KCNQ5: variants seen among roughly 807,000 people sequenced by gnomAD.
The protein encoded by KCNQ5 is potassium voltage-gated channel subfamily KQT member 5.
In KCNQ5, 30 loss-of-function variants were observed where a neutral mutation model predicts 98.2. The observed-to-expected ratio is 0.31, with a 90% confidence interval of 0.23 to 0.41. The LOEUF (loss-of-function observed/expected upper bound fraction) is 0.41, where lower values mean the gene tolerates loss of function less well. Among genes scored for constraint, KCNQ5 ranks in the 10% least tolerant of loss-of-function variants. KCNQ5 has a pLI of 1.00. For missense variants in KCNQ5, 835 were observed against 1,182.5 expected, an observed-to-expected ratio of 0.71 and a Z score of 4.31; for synonymous variants, 458 against 449.4, an observed-to-expected ratio of 1.02 and a Z score of -0.24.
chr6:73,004,115 T>C (rs1769716019), intron 2 of KCNQ5, 117 bp downstream of exon 2: 1 of 589,660 alleles, frequency 1.7e-6, no homozygotes, highest in Non-Finnish European at 3.0e-6. Flanking sequence ...TACTGAGAAA[T>C]ATAAAAATGT....
At chr6:73,000,484 A>G (rs1769511867) in intron 1 of KCNQ5, among the ~76,000 whole-genome samples, 1 of 152,160 alleles carries the variant, frequency 6.6e-6, no homozygotes, top group African/African-American at 2.4e-5. Flanking sequence ...AAATACTTCC[A>G]TATCTCCAGC....
At chr6:72,794,765 G>C (rs1248023981) in intron 1 of KCNQ5, among the ~76,000 whole-genome samples, 1 of 152,122 alleles carries the variant, frequency 6.6e-6, no homozygotes, top group African/African-American at 2.4e-5. Context: ...CAAAGCAAGA[G>C]ACCAAGTTCA....
chr6:72,809,373 C>G (rs1259623089), intron 1 of KCNQ5, among the ~76,000 whole-genome samples: 1 of 151,574 alleles, frequency 6.6e-6, no homozygotes, highest in Non-Finnish European at 1.5e-5. Context: ...GCACATGTAC[C>G]CTAAAACTTA....
At chr6:72,654,980 T>G (rs895336338) in intron 1 of KCNQ5, among the ~76,000 whole-genome samples, 6 of 152,190 alleles carry the variant, frequency 3.9e-5, no homozygotes, top group Non-Finnish European at 8.8e-5. Context: ...CAATAAACAC[T>G]GCTTACCTTC....
In KCNQ5 at chr6:73,088,783, G is replaced by T. The variant is rs1433797865; in HGVS notation, c.918+10896G>T. Among the ~76,000 whole-genome samples the T allele has an allele frequency of 7.2e-5, 11 of 151,940 alleles. 1 individual carries two copies. Among genetic ancestry groups the T allele is most frequent in the Admixed American group, 3.3e-4 (5 of 15,246 alleles). On this transcript the variant is annotated intron_variant, in intron 5 of 13. Transcript: ENST00000370398. The stretch of plus-strand genomic sequence containing the variant: ...TTTCATTATAATGCTTTTATTTATG[G>T]TGCAACCATCTTCCCACTTAAAATT...
At chr6:72,719,447 A>G (rs1332900784) in intron 1 of KCNQ5, among the ~76,000 whole-genome samples, 1 of 152,242 alleles carries the variant, frequency 6.6e-6, no homozygotes, top group Non-Finnish European at 1.5e-5. Flanking sequence ...ACCAAAGTTC[A>G]GCTATATACC....
Position 72,955,699 on chromosome 6 carries a change from T to C in KCNQ5, c.399-48209T>C, listed in dbSNP as rs147837410. ...TGAAACTGAATTATTTTGCATTTTG[T>C]ACTTTGAAAACATTGTGATGCACCA... On this transcript the variant is annotated intron_variant, in intron 1 of 13. Transcript: ENST00000370398. 1.7e-4 allele frequency among the ~76,000 whole-genome samples: 26 copies of C among 152,324 alleles called. No homozygotes were observed. In the East Asian group the frequency reaches 4.4e-3, roughly 26 times the overall value.
chr6:72,635,084 T>G (rs2098923276), intron 1 of KCNQ5, among the ~76,000 whole-genome samples: 1 of 151,530 alleles, frequency 6.6e-6, no homozygotes, highest in African/African-American at 2.4e-5. Context: ...TAGAGTGCAG[T>G]TGTACAATCA....
rs1197263592 is a variant in KCNQ5 at position 72,655,040 on chromosome 6, CTTT to C, written c.398+32454_398+32456del. On this transcript the variant is annotated intron_variant, in intron 1 of 13. Coordinates refer to ENST00000370398, the MANE Select transcript of KCNQ5 (RefSeq NM_019842.4). ...AAGGTCTGTCTGTCTTTCTTTCTTT[CTTT>C]CTTTCTTTCTTTCTTTCTTTCTTTC... Among the ~76,000 whole-genome samples the C allele has an allele frequency of 1.6e-3, 230 of 141,756 alleles. 1 individual carries two copies. The highest frequency in any genetic ancestry group is 0.011 in the South Asian group (51 of 4,458). The allele number at this position is 141,756 out of a possible 152,430, so 93.0% of individuals were successfully genotyped here.
At chr6:72,685,007 T>C (rs752660197) in intron 1 of KCNQ5, among the ~76,000 whole-genome samples, 2 of 152,172 alleles carry the variant, frequency 1.3e-5, no homozygotes, top group Non-Finnish European at 2.9e-5. Flanking sequence ...CTATATTGTT[T>C]GTTTGTACTT....
intron 1 of KCNQ5, among the ~76,000 whole-genome samples, chr6:72,638,047 G>A (rs1290967578): frequency 6.6e-6 from 1 of 152,186 alleles, no homozygotes; most frequent in African/African-American, 2.4e-5. Context: ...TCCTACTTTA[G>A]TTGTGCACTG....
At chr6:73,095,003 C>T (rs1774421003) in intron 5 of KCNQ5, among the ~76,000 whole-genome samples, 1 of 152,136 alleles carries the variant, frequency 6.6e-6, no homozygotes. Flanking sequence ...CTCTGTTATT[C>T]CCTGAAATAT....
At chr6:73,011,430 T>A (rs1008857045) in intron 2 of KCNQ5, among the ~76,000 whole-genome samples, 1 of 152,046 alleles carries the variant, frequency 6.6e-6, no homozygotes, top group East Asian at 1.9e-4. Flanking sequence ...GATATCCACA[T>A]GTGAAAGAAT....
At chr6:73,112,682 T>A in intron 7 of KCNQ5, among the ~76,000 whole-genome samples, 1 of 152,122 alleles carries the variant, frequency 6.6e-6, no homozygotes, top group Non-Finnish European at 1.5e-5. Context: ...TAGGTTTGGG[T>A]GGGTGGGTTG....
rs191608212 is a variant in KCNQ5, at chr6:73,184,896, G to T, written c.1578-5677G>T. On this transcript the variant is annotated intron_variant, in intron 11 of 13. Coordinates refer to ENST00000370398, the MANE Select transcript of KCNQ5 (RefSeq NM_019842.4). Reference sequence around the variant, plus strand: ...AGAGATGAGTATTTGGAGAGAGAAGGGGGGAATTCTCACCATTCACTACCC... The same window carrying T: ...AGAGATGAGTATTTGGAGAGAGAAGTGGGGAATTCTCACCATTCACTACCC... Among the ~76,000 whole-genome samples the T allele has an allele frequency of 1.2e-4, 18 of 152,278 alleles. No homozygotes were observed. The East Asian group carries it at 3.5e-3, about 29-fold the overall frequency.
intron 1 of KCNQ5, among the ~76,000 whole-genome samples, chr6:72,912,211 C>G (rs1015266163): frequency 6.6e-6 from 1 of 152,120 alleles, no homozygotes; most frequent in Non-Finnish European, 1.5e-5. Context: ...TAGTTAATTA[C>G]TTGGAGGGCA....
intron 1 of KCNQ5, among the ~76,000 whole-genome samples, chr6:72,753,452 T>C (rs1043457978): frequency 1.3e-5 from 2 of 152,084 alleles, no homozygotes; most frequent in Admixed American, 1.3e-4. Context: ...TGGATAAATA[T>C]ATAGGAGAAG....
intron 2 of KCNQ5, among the ~76,000 whole-genome samples, chr6:73,039,982 T>C (rs901468431): frequency 3.3e-5 from 5 of 152,106 alleles, no homozygotes; most frequent in African/African-American, 1.2e-4. Flanking sequence ...TTGGTTTTGC[T>C]TTATGAATTT....
intron 1 of KCNQ5, among the ~76,000 whole-genome samples, chr6:72,897,458 C>T (rs1779298721): frequency 6.6e-6 from 1 of 152,104 alleles, no homozygotes; most frequent in Non-Finnish European, 1.5e-5. Flanking sequence ...AGGAGGATCG[C>T]TTGAACCTGG....
Sources: gnomAD v4.1 joint callset for allele counts (sites outside exome capture counted in the v4.1 genomes callset) on GRCh38, gnomAD v4.1.1 for gene constraint, MANE v1.5 for transcripts, NCBI Gene and HGNC (gene_info 2026-07-23, HGNC 2026-07-21) for gene names.